Variants in PTPRZ1 observed in about 807,000 individuals in gnomAD.
The protein encoded by PTPRZ1 is protein tyrosine phosphatase receptor type Z1.
In PTPRZ1, 82 loss-of-function variants were observed where a neutral mutation model predicts 214.1. That is an observed-to-expected ratio of 0.38 (90% CI 0.32 to 0.46). PTPRZ1 has a LOEUF of 0.46. PTPRZ1 is among the 20% of genes least tolerant of loss of function. PTPRZ1 has a pLI of 1.00. For missense variants in PTPRZ1, 2,603 were observed against 2,748.7 expected, an observed-to-expected ratio of 0.95 and a Z score of 1.19; for synonymous variants, 945 against 987.9, an observed-to-expected ratio of 0.96 and a Z score of 0.81.
intron 1 of PTPRZ1, among the ~76,000 whole-genome samples, chr7:121,904,001 A>ACACAC (rs1563009900): frequency 1.9e-4 from 17 of 89,514 alleles, no homozygotes; most frequent in African/African-American, 8.0e-4. Context: ...CACACACACA[A>ACACAC]TAGTAGGTGT....
chr7:122,035,733 C>A lies in PTPRZ1; in HGVS notation c.5285-867C>A, dbSNP rs543107953. Reference sequence around the variant, plus strand: ...TACCATCACAGAAGTATTCATATCCCAGAGTATCTCTTTAACTTGTTTTGG... The same window carrying A: ...TACCATCACAGAAGTATTCATATCCAAGAGTATCTCTTTAACTTGTTTTGG... On this transcript the variant is annotated intron_variant, in intron 17 of 29. Transcript: ENST00000393386. Among the ~76,000 whole-genome samples the A allele has an allele frequency of 9.8e-5, 15 of 152,300 alleles. 1 individual carries two copies. In the East Asian group the frequency reaches 2.7e-3, roughly 27 times the overall value.
At chr7:122,053,736 C>T (rs1792261656) in intron 25 of PTPRZ1, among the ~76,000 whole-genome samples, 174 bp from the exon 26 acceptor site, 1 of 152,262 alleles carries the variant, frequency 6.6e-6, no homozygotes, top group African/African-American at 2.4e-5. Flanking sequence ...AGTGTCACAC[C>T]TAACATACAA....
chr7:121,955,247 T>G (rs551654896), intron 2 of PTPRZ1, among the ~76,000 whole-genome samples: 1 of 152,290 alleles, frequency 6.6e-6, no homozygotes, highest in African/African-American at 2.4e-5. Context: ...TGTCAGAGAC[T>G]TGTGTTGTTT....
At chr7:122,043,618 T>G (rs1403621281) in intron 22 of PTPRZ1, among the ~76,000 whole-genome samples, 1 of 151,972 alleles carries the variant, frequency 6.6e-6, no homozygotes, top group Non-Finnish European at 1.5e-5. Context: ...ACACCAAACA[T>G]CCTTCCATCC....
intron 2 of PTPRZ1, among the ~76,000 whole-genome samples, chr7:121,929,947 AG>A (rs568186489): frequency 2.0e-4 from 31 of 152,102 alleles, no homozygotes; most frequent in Non-Finnish European, 3.7e-4. Context: ...ATACTACCCA[AG>A]ATTGATGATT....
chr7:121,908,373 AT>A, intron 1 of PTPRZ1: 2 of 254,484 alleles, frequency 7.9e-6, no homozygotes, highest in Non-Finnish European at 7.7e-6. Flanking sequence ...GGAAAAGAAT[AT>A]CAACTATACA....
At chr7:122,053,412 A>T (rs1272292060) in intron 25 of PTPRZ1, among the ~76,000 whole-genome samples, 1 of 152,174 alleles carries the variant, frequency 6.6e-6, no homozygotes, top group East Asian at 1.9e-4. Flanking sequence ...AGACAACTGG[A>T]TCGATCACTT....
intron 6 of PTPRZ1, among the ~76,000 whole-genome samples, chr7:121,983,311 T>A (rs548168683): frequency 6.6e-6 from 1 of 152,314 alleles, no homozygotes; most frequent in African/African-American, 2.4e-5. Flanking sequence ...TTGATGATCA[T>A]CTTCACCAGA....
intron 2 of PTPRZ1, among the ~76,000 whole-genome samples, chr7:121,945,970 A>G (rs946308905): frequency 2.0e-5 from 3 of 152,212 alleles, no homozygotes; most frequent in African/African-American, 7.2e-5. Context: ...AGAATTCAGT[A>G]GGCACCATTC....
intron 10 of PTPRZ1, among the ~76,000 whole-genome samples, chr7:122,001,923 A>G (rs1264134234): frequency 6.6e-6 from 1 of 152,190 alleles, no homozygotes; most frequent in Non-Finnish European, 1.5e-5. Flanking sequence ...AGATGATTCT[A>G]TAAGCCAGTA....
intron 11 of PTPRZ1, among the ~76,000 whole-genome samples, chr7:122,004,994 A>G (rs940060907): frequency 2.0e-5 from 3 of 152,038 alleles, no homozygotes; most frequent in Admixed American, 1.3e-4. Flanking sequence ...TTTCTGAAAA[A>G]CTAAAATTAT....
At position 122,012,075 on chromosome 7, in the gene PTPRZ1, C is replaced by A. The variant is rs775565817; in HGVS notation, c.3029C>A (p.Thr1010Lys). 6.2e-7 allele frequency: 1 copy of A among 1,614,190 alleles called. No individual in the cohort carries two copies. The part of the protein sequence containing the change: ...SSDSEFLLPD[T>K]DGLTALNISS... ...GATAGTGAATTTCTTTTACCTGACA[C>A]AGATGGGCTGACAGCCCTTAACATT... The change falls in exon 12 of 30, where the codon ACA becomes AAA. Residue 1010 changes from threonine (T) to lysine (K), a missense_variant. Thr to Lys is a moderately conservative substitution (Grantham distance 78, BLOSUM62 -1). Around this residue, in one of 6 missense-constraint regions of PTPRZ1, gnomAD observed 1,913 missense variants for 1,914.3 expected, o/e 1.00. Transcript: ENST00000393386.
In PTPRZ1 at chr7:122,011,215, A is replaced by T; in HGVS notation, c.2169A>T (p.Val723=). The part of the protein sequence containing the change: ...YSTFAYFPTE[V]TPHAFTPSSR... ...CCTTTGCCTACTTCCCAACTGAGGTAACACCTCATGCTTTTACCCCATCCT... is the reference window on the plus strand; with the variant it reads ...CCTTTGCCTACTTCCCAACTGAGGTTACACCTCATGCTTTTACCCCATCCT... Residue 723 remains valine (V), a synonymous_variant, in exon 12 of 30, where the codon GTA becomes GTT. Transcript: ENST00000393386. The T allele has an allele frequency of 6.2e-7, 1 of 1,614,048 alleles. No individual in the cohort carries two copies. The highest frequency in any genetic ancestry group is 8.5e-7 in the Non-Finnish European group (1 of 1,179,954).
At chr7:121,913,028 C>G (rs1379746920) in intron 1 of PTPRZ1, among the ~76,000 whole-genome samples, 1 of 152,148 alleles carries the variant, frequency 6.6e-6, no homozygotes, top group African/African-American at 2.4e-5. Context: ...GTTGAATATG[C>G]AGCAGGGAGC....
chr7:121,881,283 C>T (rs1414238879), intron 1 of PTPRZ1, among the ~76,000 whole-genome samples: 1 of 152,220 alleles, frequency 6.6e-6, no homozygotes, highest in Non-Finnish European at 1.5e-5. Context: ...AACTTCCCAG[C>T]CTCCATATCT....
intron 1 of PTPRZ1, among the ~76,000 whole-genome samples, chr7:121,895,730 G>C (rs1156794395): frequency 2.0e-5 from 3 of 152,178 alleles, no homozygotes; most frequent in African/African-American, 7.2e-5. Flanking sequence ...GGCGTTGGCA[G>C]CCTACAGTCT....
At chr7:121,998,130 C>A in intron 10 of PTPRZ1, 124 bp downstream of exon 10, 3 of 1,161,860 alleles carry the variant, frequency 2.6e-6, no homozygotes, top group East Asian at 2.8e-5. Flanking sequence ...TCTCTTAAGT[C>A]TGGATTGCCG....
chr7:122,022,315 CTT>C (rs1034524795), intron 13 of PTPRZ1, among the ~76,000 whole-genome samples: 14 of 152,064 alleles, frequency 9.2e-5, no homozygotes, highest in Admixed American at 2.6e-4. Flanking sequence ...AGTTGTATAT[CTT>C]TTTTTGATAA....
chr7:122,011,088 T>C lies in PTPRZ1; in HGVS notation c.2042T>C (p.Ile681Thr). ...TTTCTCCAGACTAATTACACTGAGATACGTGTTGATGAATCTGAGAAGACA... is the reference window on the plus strand; with the variant it reads ...TTTCTCCAGACTAATTACACTGAGACACGTGTTGATGAATCTGAGAAGACA... Reference protein sequence around the residue: ...ESFLQTNYTEIRVDESEKTTK... With the variant: ...ESFLQTNYTETRVDESEKTTK... The change falls in exon 12 of 30, where the codon ATA (isoleucine) becomes ACA (threonine). Residue 681 changes from isoleucine (I) to threonine (T), a missense_variant. By Grantham distance (89) the Ile-to-Thr change is moderately conservative (BLOSUM62 -1). Around this residue, in one of 6 missense-constraint regions of PTPRZ1, gnomAD observed 1,913 missense variants for 1,914.3 expected, o/e 1.00. Transcript: ENST00000393386. 4.3e-6 allele frequency: 7 copies of C among 1,614,134 alleles called. No homozygotes were observed. The highest frequency in any genetic ancestry group is 5.9e-6 in the Non-Finnish European group (7 of 1,180,010).
Sources: allele counts gnomAD v4.1 joint callset (sites outside exome capture counted in the v4.1 genomes callset), GRCh38; gene constraint gnomAD v4.1.1; regional missense constraint gnomAD v4.1.1; transcripts MANE v1.5; gene names NCBI Gene and HGNC (gene_info 2026-07-23, HGNC 2026-07-21).